The following LGI1 variants were observed in gnomAD, a reference collection of about 807,000 sequenced individuals.
LGI1 encodes leucine rich glioma inactivated 1, also known as leucine-rich glioma-inactivated protein 1.
In LGI1, 11 loss-of-function variants were observed where a neutral mutation model predicts 57.7. That is an observed-to-expected ratio of 0.19 (90% confidence interval 0.12 to 0.32). The LOEUF (loss-of-function observed/expected upper bound fraction) is 0.32, where lower values mean the gene tolerates loss of function less well. Ranked by LOEUF, LGI1 falls within the 10% of genes least tolerant of loss-of-function variation. LGI1 has a pLI of 1.00. For synonymous variants in LGI1, 222 were observed against 241.9 expected (o/e 0.92, Z 0.76); for missense variants, 422 against 661.9 (o/e 0.64, Z 3.98).
chr10:93,790,079 CTTTT>C lies in LGI1; in HGVS notation c.432-8_432-5del. The C allele has an allele frequency of 2.8e-6, 4 of 1,406,820 alleles. No homozygotes were observed. The highest frequency in any genetic ancestry group is 1.9e-6 in the Non-Finnish European group (2 of 1,040,866). The allele number at this position is 1,406,820 out of a possible 1,614,324, so 87.1% of individuals were successfully genotyped here. ...AATTTATCACTACAGTTTACATCACCTTTTTTTTTTTTTTTCCAGGAGCCTTGCA... is the reference window on the plus strand; with the variant it reads ...AATTTATCACTACAGTTTACATCACCTTTTTTTTTTTCCAGGAGCCTTGCA... On this transcript the variant is annotated splice_polypyrimidine_tract_variant and intron_variant, in intron 4 of 7. Coordinates refer to ENST00000371418, the MANE Select transcript of LGI1 (RefSeq NM_005097.4).
intron 4 of LGI1, chr10:93,788,193 T>C (rs1336266675): frequency 6.6e-6 from 1 of 152,200 alleles, no homozygotes; most frequent in African/African-American, 2.4e-5. Flanking sequence ...TCTGGACTGG[T>C]CCAAGACATC....
chr10:93,770,629 C>A (rs2059726428), intron 2 of LGI1: 1 of 152,176 alleles, frequency 6.6e-6, no homozygotes. Context: ...CAACCAGGAA[C>A]CCCCTAATAG....
chr10:93,760,181 T>A (rs2059608081), intron 2 of LGI1, among the ~76,000 whole-genome samples: 2 of 152,238 alleles, frequency 1.3e-5, no homozygotes, highest in Admixed American at 1.3e-4. Flanking sequence ...CTAATGCCCT[T>A]CTACTGGCTG....
intron 7 of LGI1, among the ~76,000 whole-genome samples, chr10:93,793,607 A>G (rs1279289984): frequency 6.6e-6 from 1 of 152,246 alleles, no homozygotes. Flanking sequence ...GGTCTAGTAT[A>G]ATACATAAAC....
chr10:93,782,279 G>T (rs1035089981), intron 4 of LGI1, among the ~76,000 whole-genome samples: 1 of 152,168 alleles, frequency 6.6e-6, no homozygotes, highest in Non-Finnish European at 1.5e-5. Context: ...GGAATTTGGG[G>T]CAGGCCATTT....
Position 93,797,218 on chromosome 10 carries a change from C to G in LGI1, c.1089C>G (p.Asn363Lys). 1 of 1,614,138 alleles carries G rather than the reference C, an allele frequency of 6.2e-7. No homozygotes were observed. Among genetic ancestry groups the G allele is most frequent in the Non-Finnish European group, 8.5e-7 (1 of 1,180,014 alleles). The change falls in exon 8 of 8, where the codon AAC becomes AAG. Residue 363 changes from asparagine to lysine, a missense_variant. By Grantham distance (94) the Asn-to-Lys change is moderately conservative. This residue lies in a region of LGI1 where 301 missense variants were observed against 461.7 expected (regional missense o/e 0.65). Transcript: ENST00000371418. The surrounding 1 kb of genome is among the most constrained non-coding windows in gnomAD (Gnocchi z 6.5). ...GTTTTACTACCATTTACAAATGGAA[C>G]GGAAACGGATTCTACTCCCATCAAT... ...KAGFTTIYKW[N>K]GNGFYSHQSL...
intron 2 of LGI1, chr10:93,770,498 T>G (rs1455083671): frequency 6.6e-6 from 1 of 152,468 alleles, no homozygotes; most frequent in Admixed American, 6.5e-5. Context: ...GATCCTCTGC[T>G]TCTTCATTTA....
chr10:93,760,182 C>T (rs2059608108), intron 2 of LGI1, among the ~76,000 whole-genome samples: 1 of 152,212 alleles, frequency 6.6e-6, no homozygotes, highest in South Asian at 2.1e-4. Flanking sequence ...TAATGCCCTT[C>T]TACTGGCTGA....
chr10:93,792,725 C>T lies in LGI1; in HGVS notation c.504-18C>T. 2 of 1,613,624 alleles carry T rather than the reference C, an allele frequency of 1.2e-6. No individual in the cohort carries two copies. The highest frequency in any genetic ancestry group is 1.7e-6 in the Non-Finnish European group (2 of 1,179,602). On this transcript the variant is annotated intron_variant, in intron 5 of 7. Coordinates refer to ENST00000371418, the MANE Select transcript of LGI1 (RefSeq NM_005097.4). The stretch of plus-strand genomic sequence containing the variant: ...TAGGGCCCTTGTACAGCAAAAGCAG[C>T]TGAAGTTTGTCTTTCAGGGACCTGA...
chr10:93,796,498 G>A (rs1222875574), intron 7 of LGI1, among the ~76,000 whole-genome samples: 1 of 152,150 alleles, frequency 6.6e-6, no homozygotes, highest in East Asian at 1.9e-4. Context: ...TACCAGAACA[G>A]CCTCTCTGAG....
intron 2 of LGI1, chr10:93,765,736 C>A (rs947853607): frequency 6.6e-6 from 1 of 151,918 alleles, no homozygotes; most frequent in African/African-American, 2.4e-5. Flanking sequence ...TTTGGGAGGC[C>A]GAGGAGGGTA....
chr10:93,776,600 T>G (rs1220070560), intron 2 of LGI1, among the ~76,000 whole-genome samples: 4 of 152,212 alleles, frequency 2.6e-5, no homozygotes, highest in African/African-American at 7.2e-5. Context: ...TTATTATTAT[T>G]ACATTATGAC....
chr10:93,758,178 G>A lies in LGI1; in HGVS notation c.34G>A (p.Ala12Thr). 1 of 1,614,202 alleles carries A rather than the reference G, an allele frequency of 6.2e-7. No homozygotes were observed. The highest frequency in any genetic ancestry group is 1.1e-5 in the South Asian group (1 of 91,082). Reference sequence around the variant, plus strand: ...AGAAAGAAGCAAAAGGATGGGAAATGCCTGCATTCCCCTGAAAAGAATTGC... The same window carrying A: ...AGAAAGAAGCAAAAGGATGGGAAATACCTGCATTCCCCTGAAAAGAATTGC... ...ESERSKRMGNACIPLKRIAYF... is the reference protein window; with the variant it reads ...ESERSKRMGNTCIPLKRIAYF... Residue 12 changes from alanine to threonine, a missense_variant, in exon 1 of 8, where the codon GCC becomes ACC. By Grantham distance (58) the Ala-to-Thr change is moderately conservative. Coordinates refer to ENST00000371418, the MANE Select transcript of LGI1 (RefSeq NM_005097.4). The surrounding 1 kb of genome is among the most constrained non-coding windows in gnomAD (Gnocchi z 4.7).
intron 2 of LGI1, chr10:93,763,392 G>C (rs1011236324): frequency 3.9e-5 from 6 of 152,194 alleles, no homozygotes; most frequent in Non-Finnish European, 5.9e-5. Flanking sequence ...CTGATGTCTG[G>C]CACTGTGTGC....
intron 2 of LGI1, chr10:93,772,966 G>A (rs2059754908): frequency 6.6e-6 from 1 of 151,990 alleles, no homozygotes; most frequent in African/African-American, 2.4e-5. Context: ...CGTGGTCCCA[G>A]CTACTTGGGA....
At position 93,794,312 on chromosome 10, in the gene LGI1, C is replaced by T. The variant is rs555023752; in HGVS notation, c.838+962C>T. ...CATTACAAGCGTGAGCCACCGCACC[C>T]GGCCGGAATCTAATTCTTTCTATGA... On this transcript the variant is annotated intron_variant, in intron 7 of 7. Transcript: ENST00000371418. Among the ~76,000 whole-genome samples, 5 of 150,544 alleles carry T rather than the reference C, an allele frequency of 3.3e-5. No individual in the cohort carries two copies. The East Asian group carries it at 5.9e-4, about 18-fold the overall frequency.
chr10:93,764,284 C>T (rs7082575), intron 2 of LGI1: 44,449 of 152,120 alleles, frequency 0.29, 6,791 homozygotes, highest in South Asian at 0.43. Flanking sequence ...TGAGGTCTTG[C>T]TATGTTGCCC....
intron 7 of LGI1, among the ~76,000 whole-genome samples, chr10:93,796,593 T>C (rs1369339613): frequency 6.6e-6 from 1 of 152,218 alleles, no homozygotes; most frequent in East Asian, 1.9e-4. Context: ...AGAAAGCACA[T>C]AATAGATGCT....
intron 2 of LGI1, among the ~76,000 whole-genome samples, chr10:93,773,635 C>G (rs981609886): frequency 1.1e-4 from 16 of 152,216 alleles, no homozygotes; most frequent in African/African-American, 3.9e-4. Flanking sequence ...GAAACATACT[C>G]CCGTGGTTGC....
Sources: allele counts gnomAD v4.1 joint callset (sites outside exome capture counted in the v4.1 genomes callset), GRCh38; gene constraint gnomAD v4.1.1; regional missense constraint gnomAD v4.1.1; non-coding constraint Gnocchi (gnomAD v3.1); transcripts MANE v1.5; gene names NCBI Gene and HGNC (gene_info 2026-07-23, HGNC 2026-07-21).